Variants in CADM2 observed in about 807,000 individuals in gnomAD.
CADM2 encodes the protein immunoglobulin superfamily member 4D.
In CADM2, 12 loss-of-function variants were observed where a neutral mutation model predicts 49.8. That is an observed-to-expected ratio of 0.24 (90% CI 0.15 to 0.39). CADM2 has a LOEUF of 0.39. CADM2 is among the 10% of genes least tolerant of loss of function. The probability of loss-of-function intolerance (pLI) is 1.00; values close to 1 mark genes in which losing one functional copy is unlikely to be tolerated. For synonymous variants in CADM2, 214 were observed against 175.4 expected, an observed-to-expected ratio of 1.22 and a Z score of -1.74; for missense variants, 378 against 492.3, an observed-to-expected ratio of 0.77 and a Z score of 2.20.
At chr3:86,019,816 G>C (rs1307257228) in intron 8 of CADM2, among the ~76,000 whole-genome samples, 2 of 151,966 alleles carry the variant, frequency 1.3e-5, no homozygotes, top group Non-Finnish European at 2.9e-5. Flanking sequence ...CAATCATGTC[G>C]TCTGCAAACA....
intron 1 of CADM2, among the ~76,000 whole-genome samples, chr3:85,121,659 C>T (rs992379706): frequency 1.3e-5 from 2 of 152,042 alleles, no homozygotes; most frequent in African/African-American, 4.8e-5. Context: ...GTATTCAATA[C>T]CATTCATCAG....
At position 85,963,804 on chromosome 3, in the gene CADM2, A is replaced by C. The variant is rs1161405179; in HGVS notation, c.970+2157A>C. Among the ~76,000 whole-genome samples, 5 of 151,870 alleles carry C rather than the reference A, an allele frequency of 3.3e-5. No homozygotes were observed. In the East Asian group the frequency reaches 9.7e-4, roughly 30 times the overall value. On this transcript the variant is annotated intron_variant, in intron 8 of 9. Coordinates refer to ENST00000383699, the MANE Select transcript of CADM2 (RefSeq NM_001167675.2). ...TTGGCAGTTGATGTATTTCTAATAA[A>C]TACTTCCCTAAGCACTTTGTGAGAA...
rs796851347 is a variant in CADM2, at chr3:85,928,555, T to TA, written c.701-7202dup. ...AATATGTCAGACAAAGGTAAAGCAA[T>TA]AAAAAAAAAATCTAGGAAAACAATG... On this transcript the variant is annotated intron_variant, in intron 6 of 9. Coordinates refer to ENST00000383699, the MANE Select transcript of CADM2 (RefSeq NM_001167675.2). Among the ~76,000 whole-genome samples, 1,019 of 149,798 alleles carry TA rather than the reference T, an allele frequency of 6.8e-3. 13 individuals are homozygous for TA. Among genetic ancestry groups the TA allele is most frequent in the African/African-American group, 0.021 (863 of 40,930 alleles).
chr3:85,100,960 CA>C (rs2037988313), intron 1 of CADM2, among the ~76,000 whole-genome samples: 1 of 152,032 alleles, frequency 6.6e-6, no homozygotes. Flanking sequence ...AGATGTCATA[CA>C]AATCAACCTA....
intron 1 of CADM2, among the ~76,000 whole-genome samples, chr3:85,050,058 A>G (rs2035823538): frequency 6.6e-6 from 1 of 151,576 alleles, no homozygotes; most frequent in Non-Finnish European, 1.5e-5. Context: ...TATAATCTTT[A>G]TGGGGACCCT....
intron 1 of CADM2, among the ~76,000 whole-genome samples, chr3:85,532,182 T>A (rs999580236): frequency 3.9e-5 from 4 of 101,544 alleles, no homozygotes; most frequent in Non-Finnish European, 2.5e-5. Context: ...GTCTCAAAAA[T>A]AATAATAATA....
chr3:85,409,636 G>T (rs2035566369), intron 1 of CADM2, among the ~76,000 whole-genome samples: 1 of 152,130 alleles, frequency 6.6e-6, no homozygotes. Context: ...GCGTACTGGA[G>T]GAGGATAATA....
intron 1 of CADM2, among the ~76,000 whole-genome samples, chr3:85,252,770 T>C (rs1379868649): frequency 1.3e-5 from 2 of 152,000 alleles, no homozygotes; most frequent in Non-Finnish European, 2.9e-5. Context: ...AGTAAATAAC[T>C]CATCTACTGT....
intron 1 of CADM2, among the ~76,000 whole-genome samples, chr3:85,437,114 C>A (rs746114784): frequency 6.6e-6 from 1 of 152,114 alleles, no homozygotes; most frequent in Non-Finnish European, 1.5e-5. Context: ...GTAGCCTTTT[C>A]ATGTTGGCTT....
At chr3:85,966,484 A>G (rs1415610508) in intron 8 of CADM2, among the ~76,000 whole-genome samples, 3 of 151,680 alleles carry the variant, frequency 2.0e-5, no homozygotes, top group African/African-American at 7.2e-5. Flanking sequence ...AATAAGTTTT[A>G]TAACAATTCA....
At chr3:85,169,752 A>T (rs2040570363) in intron 1 of CADM2, among the ~76,000 whole-genome samples, 1 of 152,220 alleles carries the variant, frequency 6.6e-6, no homozygotes, top group African/African-American at 2.4e-5. Context: ...GCATGGCGAC[A>T]GAGCGAGAAT....
At chr3:85,179,468 A>C (rs1296530197) in intron 1 of CADM2, among the ~76,000 whole-genome samples, 1 of 151,800 alleles carries the variant, frequency 6.6e-6, no homozygotes, top group Non-Finnish European at 1.5e-5. Flanking sequence ...TGTTTCTTTT[A>C]TGTATTTGTG....
intron 8 of CADM2, among the ~76,000 whole-genome samples, chr3:85,966,134 A>G (rs1463492645): frequency 6.6e-6 from 1 of 151,686 alleles, no homozygotes; most frequent in African/African-American, 2.4e-5. Flanking sequence ...TATCACCTCC[A>G]TTCTCAAAGC....
chr3:85,767,428 C>A (rs1460989614), intron 2 of CADM2, among the ~76,000 whole-genome samples: 1 of 152,128 alleles, frequency 6.6e-6, no homozygotes, highest in Admixed American at 6.6e-5. Context: ...TATATTACTT[C>A]TCTATTATAT....
chr3:85,609,323 A>C (rs935877397), intron 1 of CADM2, among the ~76,000 whole-genome samples: 1 of 152,170 alleles, frequency 6.6e-6, no homozygotes, highest in Admixed American at 6.6e-5. Flanking sequence ...CTACAAAATA[A>C]TACTATAGTA....
chr3:85,757,125 A>C (rs1368493958), intron 2 of CADM2, among the ~76,000 whole-genome samples: 1 of 152,128 alleles, frequency 6.6e-6, no homozygotes, highest in Non-Finnish European at 1.5e-5. Flanking sequence ...ATATTAAGTA[A>C]AGGAATGTTT....
chr3:85,833,442 T>C (rs1363005859), intron 3 of CADM2, among the ~76,000 whole-genome samples: 1 of 151,812 alleles, frequency 6.6e-6, no homozygotes, highest in South Asian at 2.1e-4. Context: ...AGAATTTAGC[T>C]GTGAATCCAT....
intron 8 of CADM2, among the ~76,000 whole-genome samples, chr3:86,018,080 A>T (rs1732561276): frequency 8.4e-6 from 1 of 119,080 alleles, no homozygotes; most frequent in Non-Finnish European, 1.7e-5. Flanking sequence ...TCCTGTGTCC[A>T]TGTGATCTCA....
chr3:85,296,037 A>G (rs1426044945), intron 1 of CADM2, among the ~76,000 whole-genome samples: 2 of 152,090 alleles, frequency 1.3e-5, no homozygotes, highest in African/African-American at 2.4e-5. Context: ...AAAGCTCAGT[A>G]TGAAATCTTG....
Sources: allele counts gnomAD v4.1 joint callset (sites outside exome capture counted in the v4.1 genomes callset), GRCh38; gene constraint gnomAD v4.1.1; transcripts MANE v1.5; gene names NCBI Gene and HGNC (gene_info 2026-07-23, HGNC 2026-07-21).